CYFIP2: variants seen among roughly 807,000 people sequenced by gnomAD.
CYFIP2 encodes the protein cytoplasmic FMR1 interacting protein 2, also known as cytoplasmic FMR1-interacting protein 2.
CYFIP2 carries 29 observed loss-of-function variants against 158.7 expected under a neutral mutation model. That is an observed-to-expected ratio of 0.18 (90% CI 0.14 to 0.25). CYFIP2 has a LOEUF of 0.25. CYFIP2 is among the 10% of genes least tolerant of loss of function. CYFIP2 has a pLI of 1.00. For missense variants in CYFIP2, 852 were observed against 1,639.5 expected (o/e 0.52, Z 8.29); for synonymous variants, 585 against 617.6 (o/e 0.95, Z 0.78).
At chr5:157,342,748 A>G (rs1762363364) in intron 23 of CYFIP2, 1 of 1,075,424 alleles carries the variant, frequency 9.3e-7, no homozygotes, top group South Asian at 1.7e-5. Context: ...GTGACCTACA[A>G]TAGCAGTGAC....
chr5:157,334,661 A>G (rs924992031), intron 21 of CYFIP2, among the ~76,000 whole-genome samples: 2 of 152,204 alleles, frequency 1.3e-5, no homozygotes, highest in African/African-American at 2.4e-5. Context: ...AGAAAATATC[A>G]GATGAACCCA....
chr5:157,278,908 C>G (rs975904318), intron 1 of CYFIP2, among the ~76,000 whole-genome samples: 1 of 152,162 alleles, frequency 6.6e-6, no homozygotes, highest in Non-Finnish European at 1.5e-5. Flanking sequence ...TGCCTTAATC[C>G]TTACAAAAAA....
intron 23 of CYFIP2, among the ~76,000 whole-genome samples, chr5:157,354,588 A>AT (rs1257198799): frequency 6.7e-6 from 1 of 149,918 alleles, no homozygotes; most frequent in Admixed American, 6.7e-5. Flanking sequence ...GTCGGGGGGG[A>AT]TTTTTTTTAA....
At chr5:157,379,479 A>AG (rs891024628) in intron 26 of CYFIP2, among the ~76,000 whole-genome samples, 9 of 148,398 alleles carry the variant, frequency 6.1e-5, no homozygotes, top group Non-Finnish European at 1.3e-4. Context: ...ATAAAAAAAA[A>AG]CTTCCAACAA....
At chr5:157,315,178 G>A (rs6897056) in intron 13 of CYFIP2, 84 bp downstream of exon 13, 422,661 of 1,518,610 alleles carry the variant, frequency 0.28, 61,576 homozygotes, top group African/African-American at 0.48. Context: ...CAAGAAAACA[G>A]CATCGGTTGC....
At chr5:157,387,793 G>A (rs1030130321) in intron 28 of CYFIP2, among the ~76,000 whole-genome samples, 5 of 152,062 alleles carry the variant, frequency 3.3e-5, no homozygotes, top group African/African-American at 1.2e-4. Context: ...CCGGGAATCA[G>A]GGTTCCCTCT....
Position 157,304,321 on chromosome 5 carries a change from G to A in CYFIP2, c.750G>A (p.Glu250=), listed in dbSNP as rs766484901. Residue 250 remains glutamate (E), a synonymous_variant, in exon 8 of 31, where the codon GAG becomes GAA. Transcript: ENST00000620254. ...DIVNICVDYY[E]NKMYLTPSEK... ...TCAACATCTGTGTGGATTACTACGA[G>A]AACAAGATGTACCTGACTCCCAGTG... 1 of 1,613,980 alleles carries A rather than the reference G, an allele frequency of 6.2e-7. No individual in the cohort carries two copies.
At chr5:157,310,631 T>C (rs1038130260) in intron 10 of CYFIP2, among the ~76,000 whole-genome samples, 1 of 152,204 alleles carries the variant, frequency 6.6e-6, no homozygotes, top group South Asian at 2.1e-4. Context: ...GCTGAACTCA[T>C]TCCTCACTTT....
Position 157,325,515 on chromosome 5 carries a change from T to C in CYFIP2, c.1859T>C (p.Leu620Pro), listed in dbSNP as rs753656201. 6.2e-7 allele frequency: 1 copy of C among 1,613,482 alleles called. No homozygotes were observed. Among genetic ancestry groups the C allele is most frequent in the Admixed American group, 1.7e-5 (1 of 59,962 alleles). Residue 620 changes from leucine (L) to proline (P), a missense_variant, in exon 17 of 31, where the codon CTC becomes CCC. Leu to Pro is a moderately conservative substitution (Grantham distance 98, BLOSUM62 -3). Transcript: ENST00000620254. Reference sequence around the variant, plus strand: ...CAGCAGTGTTGTGACCTCTCCCAGCTCTGGTTCCGAGAATTCTTCCTGGAG... The same window carrying C: ...CAGCAGTGTTGTGACCTCTCCCAGCCCTGGTTCCGAGAATTCTTCCTGGAG... ...ALQQCCDLSQLWFREFFLELT... is the reference protein window; with the variant it reads ...ALQQCCDLSQPWFREFFLELT...
chr5:157,381,674 A>G (rs1766111032), intron 26 of CYFIP2, among the ~76,000 whole-genome samples: 1 of 152,196 alleles, frequency 6.6e-6, no homozygotes, highest in Non-Finnish European at 1.5e-5. Context: ...CTGCAGTTAA[A>G]CAGGAGTTGG....
At chr5:157,354,239 G>C (rs12188670) in intron 23 of CYFIP2, among the ~76,000 whole-genome samples, 33,370 of 152,078 alleles carry the variant, frequency 0.22, 3,958 homozygotes, top group African/African-American at 0.29. Flanking sequence ...ATTTTGTGTA[G>C]TGTGGATTTA....
chr5:157,292,643 AT>A (rs1370310722), intron 3 of CYFIP2, among the ~76,000 whole-genome samples: 1 of 152,238 alleles, frequency 6.6e-6, no homozygotes, highest in African/African-American at 2.4e-5. Context: ...ATTGATGGAC[AT>A]TCGAGTTATT....
intron 23 of CYFIP2, among the ~76,000 whole-genome samples, chr5:157,347,344 C>A (rs1193988560): frequency 6.6e-6 from 1 of 150,684 alleles, no homozygotes; most frequent in Non-Finnish European, 1.5e-5. Flanking sequence ...TGAGTTGTGA[C>A]CCTACCCTTG....
chr5:157,274,645 C>T (rs574119212), intron 1 of CYFIP2, among the ~76,000 whole-genome samples: 2 of 152,092 alleles, frequency 1.3e-5, no homozygotes, highest in African/African-American at 4.8e-5. Flanking sequence ...TGAGGAAATA[C>T]CAATCGATTT....
intron 11 of CYFIP2, among the ~76,000 whole-genome samples, chr5:157,312,172 G>C (rs1047681818): frequency 5.3e-5 from 8 of 151,902 alleles, no homozygotes; most frequent in Non-Finnish European, 7.4e-5. Flanking sequence ...CAGAACACTC[G>C]TACTCATAAC....
chr5:157,286,366 A>G (rs193147057), intron 2 of CYFIP2, among the ~76,000 whole-genome samples: 96 of 149,400 alleles, frequency 6.4e-4, no homozygotes, highest in Non-Finnish European at 1.1e-3. Context: ...ATATATATGC[A>G]TATATATATA....
At chr5:157,363,983 A>T (rs1764098379) in intron 26 of CYFIP2, 1 of 152,068 alleles carries the variant, frequency 6.6e-6, no homozygotes, top group Non-Finnish European at 1.5e-5. Flanking sequence ...TCTCCCTGAG[A>T]GGCTCTGAAA....
At chr5:157,349,140 A>C (rs989649274) in intron 23 of CYFIP2, among the ~76,000 whole-genome samples, 3 of 152,002 alleles carry the variant, frequency 2.0e-5, no homozygotes, top group Non-Finnish European at 2.9e-5. Flanking sequence ...TTTTTATTTC[A>C]ATAAATTTTG....
At chr5:157,298,718 C>T (rs1758458073) in intron 5 of CYFIP2, among the ~76,000 whole-genome samples, 1 of 152,134 alleles carries the variant, frequency 6.6e-6, no homozygotes, top group Non-Finnish European at 1.5e-5. Flanking sequence ...CCCCATAATA[C>T]CTTCATCTCC....
Sources: gnomAD v4.1 joint callset for allele counts (sites outside exome capture counted in the v4.1 genomes callset) on GRCh38, gnomAD v4.1.1 for gene constraint, MANE v1.5 for transcripts, NCBI Gene and HGNC (gene_info 2026-07-23, HGNC 2026-07-21) for gene names.